The following ANK2 variants were observed in gnomAD, a reference collection of about 807,000 sequenced individuals.
ANK2 encodes the protein ankyrin-2.
ANK2 carries 83 observed loss-of-function variants against 360.5 expected under a neutral mutation model. The observed-to-expected ratio is 0.23, with a 90% confidence interval of 0.19 to 0.28. The LOEUF (loss-of-function observed/expected upper bound fraction) is 0.28. Among genes scored for constraint, ANK2 ranks in the 10% least tolerant of loss-of-function variants. The probability of loss-of-function intolerance (pLI) is 1.00; values close to 1 mark genes in which losing one functional copy is unlikely to be tolerated. For missense variants in ANK2, 4,201 were observed against 4,795.7 expected (o/e 0.88, Z 3.66); for synonymous variants, 1,740 against 1,759.5 (o/e 0.99, Z 0.28).
intron 26 of ANK2, among the ~76,000 whole-genome samples, chr4:113,320,576 A>G (rs1348113664): frequency 6.6e-6 from 1 of 152,008 alleles, no homozygotes; most frequent in African/African-American, 2.4e-5. Context: ...AATCATTTGA[A>G]CCCGGGAGGT....
intron 1 of ANK2, among the ~76,000 whole-genome samples, chr4:112,866,393 T>G (rs1336506520): frequency 6.6e-6 from 1 of 152,078 alleles, no homozygotes; most frequent in Non-Finnish European, 1.5e-5. Context: ...ATAATGACAA[T>G]AAAGTGAGTG....
intron 2 of ANK2, among the ~76,000 whole-genome samples, chr4:112,941,346 GTT>G (rs1561200675): frequency 1.4e-5 from 2 of 144,526 alleles, no homozygotes; most frequent in African/African-American, 5.0e-5. Context: ...CATATAAAAA[GTT>G]ATATATTAAA....
At position 112,988,265 on chromosome 4, in the gene ANK2, C is replaced by G. The variant is rs984607941; in HGVS notation, c.21+83751C>G. Reference sequence around the variant, plus strand: ...AAACCCCTTGCTCTCTTGGCATTAACATAATACTGGAAATCAAGTATACTC... The same window carrying G: ...AAACCCCTTGCTCTCTTGGCATTAAGATAATACTGGAAATCAAGTATACTC... On this transcript the variant is annotated intron_variant, in intron 2 of 30. Coordinates refer to the ANK2 transcript ENST00000503271. Among the ~76,000 whole-genome samples the G allele has an allele frequency of 6.6e-5, 10 of 152,344 alleles. 1 individual carries two copies. Among genetic ancestry groups the G allele is most frequent in the Admixed American group, 4.6e-4 (7 of 15,304 alleles).
At chr4:112,915,767 AAT>A (rs1162060618) in intron 2 of ANK2, among the ~76,000 whole-genome samples, 1 of 149,942 alleles carries the variant, frequency 6.7e-6, no homozygotes, top group African/African-American at 2.5e-5. Flanking sequence ...AAAAAAAATA[AAT>A]AAATAAATAA....
chr4:113,016,408 T>C (rs933159481), intron 2 of ANK2, among the ~76,000 whole-genome samples: 10 of 152,208 alleles, frequency 6.6e-5, no homozygotes, highest in African/African-American at 1.9e-4. Flanking sequence ...CAAATACTGA[T>C]GCAAGACAGT....
chr4:113,025,312 A>G (rs1561586917), intron 2 of ANK2, among the ~76,000 whole-genome samples: 1 of 151,578 alleles, frequency 6.6e-6, no homozygotes, highest in Non-Finnish European at 1.5e-5. Context: ...ACATACTGTG[A>G]TGTAAAAATT....
intron 28 of ANK2, 29 bp from the exon 29 acceptor site, chr4:113,333,025 A>G: frequency 1.5e-5 from 24 of 1,614,050 alleles, no homozygotes; most frequent in Non-Finnish European, 1.9e-5. Context: ...GCTCCTGTCC[A>G]CACTGAATGT....
intron 4 of ANK2, among the ~76,000 whole-genome samples, chr4:113,220,246 A>T (rs2099135146): frequency 6.6e-6 from 1 of 152,214 alleles, no homozygotes; most frequent in Non-Finnish European, 1.5e-5. Flanking sequence ...AGCATTACCA[A>T]GAGAATGTAA....
intron 20 of ANK2, among the ~76,000 whole-genome samples, chr4:113,290,840 T>A (rs545420461): frequency 6.6e-6 from 1 of 152,320 alleles, no homozygotes; most frequent in Non-Finnish European, 1.5e-5. Flanking sequence ...GCACTGGGTC[T>A]AGAGCTCCTA....
the ANK2 span, among the ~76,000 whole-genome samples, chr4:112,804,419 A>T: frequency 1.3e-5 from 2 of 152,188 alleles, no homozygotes; most frequent in Admixed American, 1.3e-4. Context: ...GAGTGTATGA[A>T]GGGACAGGGC....
At chr4:112,893,998 AAAAAC>A (rs1243253502) in intron 1 of ANK2, among the ~76,000 whole-genome samples, 1 of 152,190 alleles carries the variant, frequency 6.6e-6, no homozygotes, top group South Asian at 2.1e-4. Flanking sequence ...CTCCGTTTCA[AAAAAC>A]AAAACAAAAC....
intron 11 of ANK2, 135 bp downstream of exon 11, chr4:113,256,067 C>A: frequency 1.8e-6 from 2 of 1,086,788 alleles, no homozygotes; most frequent in Non-Finnish European, 2.7e-6. Context: ...TCATCCTTCA[C>A]AATCAGCCTG....
chr4:113,042,524 G>GTT (rs1308295624), intron 2 of ANK2, among the ~76,000 whole-genome samples: 3 of 152,112 alleles, frequency 2.0e-5, no homozygotes, highest in African/African-American at 7.2e-5. Context: ...ATCACATTGG[G>GTT]GGTTTGAATT....
chr4:113,151,512 A>C (rs1165967484), intron 1 of ANK2, among the ~76,000 whole-genome samples: 5 of 151,356 alleles, frequency 3.3e-5, no homozygotes, highest in Non-Finnish European at 5.9e-5. Flanking sequence ...GCAAAAACTC[A>C]CTCCTTATCA....
chr4:113,239,398 A>T (rs1161600050), intron 7 of ANK2, among the ~76,000 whole-genome samples: 5 of 152,178 alleles, frequency 3.3e-5, no homozygotes. Flanking sequence ...TGTAATTTTG[A>T]AAATATTTCT....
chr4:112,923,638 A>G (rs999392111), intron 2 of ANK2, among the ~76,000 whole-genome samples: 2 of 152,218 alleles, frequency 1.3e-5, no homozygotes, highest in Non-Finnish European at 2.9e-5. Flanking sequence ...AAGTACTCCC[A>G]AAGGGCCAAG....
the ANK2 span, among the ~76,000 whole-genome samples, chr4:112,743,356 C>T: frequency 3.3e-5 from 5 of 151,926 alleles, no homozygotes; most frequent in Non-Finnish European, 7.4e-5. Context: ...TGTTAAAATT[C>T]GAGACCATTA....
intron 2 of ANK2, among the ~76,000 whole-genome samples, chr4:113,186,588 T>TCTCTCTCTC (rs1491091941): frequency 3.0e-5 from 1 of 33,366 alleles, no homozygotes; most frequent in Non-Finnish European, 5.2e-5. Context: ...CTCTCTCTCT[T>TCTCTCTCTC]CTCTCTCTCT....
chr4:113,288,522 C>T (rs1260453375), intron 20 of ANK2, 36 bp downstream of exon 20: 4 of 1,561,450 alleles, frequency 2.6e-6, no homozygotes, highest in Non-Finnish European at 3.5e-6. Context: ...TTCCTATAAG[C>T]AAAAAGGTTC....
Sources: gnomAD v4.1 joint callset for allele counts (sites outside exome capture counted in the v4.1 genomes callset) on GRCh38, gnomAD v4.1.1 for gene constraint, MANE v1.5 for transcripts, NCBI Gene and HGNC (gene_info 2026-07-23, HGNC 2026-07-21) for gene names.